The following GGTLC1 variants were observed in gnomAD, a reference collection of about 807,000 sequenced individuals.
The protein encoded by GGTLC1 is gamma-glutamyltransferase light chain 1, also known as glutathione hydrolase light chain 1.
Under a neutral mutation model 19.5 loss-of-function variants are expected in GGTLC1, and 14 were observed. The observed-to-expected ratio is 0.72, with a 90% CI of 0.47 to 1.12. The LOEUF is 1.12. GGTLC1 is among the 50% of genes most tolerant of loss of function. The pLI is 0.00. For synonymous variants in GGTLC1, 110 were observed against 124.2 expected, an observed-to-expected ratio of 0.89 and a Z score of 0.76; for missense variants, 304 against 309.2, an observed-to-expected ratio of 0.98 and a Z score of 0.13.
At chr20:23,987,261 C>A (rs1268547731) in intron 1 of GGTLC1, among the ~76,000 whole-genome samples, 1 of 152,166 alleles carries the variant, frequency 6.6e-6, no homozygotes, top group Admixed American at 6.5e-5. Flanking sequence ...TAACAACTGG[C>A]TTTTGCTCTG....
Position 23,986,510 on chromosome 20 carries a change from G to T in GGTLC1, c.102C>A (p.Asp34Glu), listed in dbSNP as rs146964922. The change falls in exon 2 of 6, where the codon GAC (aspartate) becomes GAA (glutamate). Residue 34 changes from aspartate (D) to glutamate (E), a missense_variant. Asp to Glu is a conservative substitution (Grantham distance 45). Transcript: ENST00000335694. Reference protein sequence around the residue: ...YYKPEFYMPDDGGTAHLSVVA... With the variant: ...YYKPEFYMPDEGGTAHLSVVA... ...CCACAGACAGGTGAGCAGTGCCCCC[G>T]TCATCCGGCATGTAGAACTCGGGCT... 1 of 1,612,020 alleles carries T rather than the reference G, an allele frequency of 6.2e-7. No individual in the cohort carries two copies. Among genetic ancestry groups the T allele is most frequent in the African/African-American group, 1.3e-5 (1 of 74,986 alleles).
Position 23,986,566 on chromosome 20 carries a change from C to T in GGTLC1, c.46G>A (p.Asp16Asn). ...TAGGAGATCGGGTGAGTGGTGTCGT[C>T]AGAGATCTGGGCCCGGAGCTGGGCA... is the stretch of plus-strand genomic sequence containing the variant. ...FSAQLRAQIS[D>N]DTTHPISYYK... is the part of the protein sequence containing the mutation. Residue 16 changes from aspartate to asparagine, a missense_variant, in exon 2 of 6, where the codon GAC becomes AAC. By Grantham distance (23) the Asp-to-Asn change is conservative. Coordinates refer to ENST00000335694, the MANE Select transcript of GGTLC1 (RefSeq NM_178311.3). 1 of 1,611,260 alleles carries T rather than the reference C, an allele frequency of 6.2e-7. No individual in the cohort carries two copies. Among genetic ancestry groups the T allele is most frequent in the Non-Finnish European group, 8.5e-7 (1 of 1,179,722 alleles).
intron 1 of GGTLC1, among the ~76,000 whole-genome samples, chr20:23,987,191 T>G (rs1219726211): frequency 6.6e-6 from 1 of 151,502 alleles, no homozygotes; most frequent in African/African-American, 2.4e-5. Context: ...TGGAGTGGGG[T>G]GGGGAGAAAA....
intron 5 of GGTLC1, 42 bp downstream of exon 5, chr20:23,985,625 G>C (rs770553858): frequency 1.9e-6 from 3 of 1,610,936 alleles, no homozygotes; most frequent in Non-Finnish European, 2.5e-6. Context: ...CGATGCCCTG[G>C]GGCCCCACAC....
At chr20:23,988,528 C>G in intron 1 of GGTLC1, 81 bp downstream of exon 1, 4 of 812,074 alleles carry the variant, frequency 4.9e-6, no homozygotes, top group African/African-American at 1.8e-5. Context: ...CCTTTGTGCC[C>G]GTGTCTCTCC....
At chr20:23,985,387 C>T (rs62195278) in intron 5 of GGTLC1, 25 bp from the exon 6 acceptor site, 2 of 1,611,396 alleles carry the variant, frequency 1.2e-6, no homozygotes, top group Admixed American at 3.3e-5. Flanking sequence ...AGAGGGGAAG[C>T]CTGAGCAGGG....
At chr20:23,986,382 C>T (rs1011073293) in intron 2 of GGTLC1, 54 bp downstream of exon 2, 2 of 1,603,582 alleles carry the variant, frequency 1.2e-6, no homozygotes, top group African/African-American at 1.3e-5. Flanking sequence ...GTGGGCAGTC[C>T]CTGAGCCACC....
At chr20:23,988,137 C>A (rs544285450) in intron 1 of GGTLC1, among the ~76,000 whole-genome samples, 7 of 139,110 alleles carry the variant, frequency 5.0e-5, no homozygotes, top group Admixed American at 1.5e-4. Context: ...CCCTTCCCCA[C>A]CCCCGGGTTC....
intron 1 of GGTLC1, chr20:23,986,861 C>A: frequency 7.0e-7 from 1 of 1,420,094 alleles, no homozygotes; most frequent in African/African-American, 1.4e-5. Context: ...CCTCCAGACC[C>A]TTGCTGCATT....
chr20:23,987,483 A>G (rs940045573), intron 1 of GGTLC1, among the ~76,000 whole-genome samples: 2 of 152,080 alleles, frequency 1.3e-5, no homozygotes, highest in Non-Finnish European at 2.9e-5. Flanking sequence ...AGGTTTGGGG[A>G]TGGTCAGGAG....
chr20:23,985,451 G>T (rs942230730), intron 5 of GGTLC1, 89 bp from the exon 6 acceptor site: 40 of 1,609,202 alleles, frequency 2.5e-5, no homozygotes, highest in Middle Eastern at 4.5e-4. Flanking sequence ...AGCCCAGGTG[G>T]TGCCATTTCA....
At position 23,985,187 on chromosome 20, in the gene GGTLC1, T is replaced by G. The variant is rs754140194; in HGVS notation, c.*29A>C. On this transcript the variant is annotated 3_prime_UTR_variant, in exon 6 of 6. Transcript: ENST00000335694. Reference sequence around the variant, plus strand: ...CCTGGTGAGTATTTTGTTCCTGGATTGCTTGTCAGCCTTGTCCGCCTGGAG... The same window carrying G: ...CCTGGTGAGTATTTTGTTCCTGGATGGCTTGTCAGCCTTGTCCGCCTGGAG... 22 of 1,611,980 alleles carry G rather than the reference T, an allele frequency of 1.4e-5. No individual in the cohort carries two copies. The South Asian group carries it at 2.3e-4, about 17-fold the overall frequency.
Position 23,985,135 on chromosome 20 carries a change from C to A in GGTLC1, c.*81G>T. On this transcript the variant is annotated 3_prime_UTR_variant, in exon 6 of 6. Transcript: ENST00000335694. ...GCTGCTCTGCTGCTCACAGGAGAAG[C>A]CTGTCCCCCAAAGTCCTCTTCCTCG... 1.9e-6 allele frequency: 3 copies of A among 1,594,658 alleles called. No homozygotes were observed. The highest frequency in any genetic ancestry group is 1.1e-5 in the South Asian group (1 of 88,964).
chr20:23,986,508 C>G lies in GGTLC1; in HGVS notation c.104G>C (p.Gly35Ala). 1 of 1,612,004 alleles carries G rather than the reference C, an allele frequency of 6.2e-7. No homozygotes were observed. The highest frequency in any genetic ancestry group is 8.5e-7 in the Non-Finnish European group (1 of 1,179,856). Residue 35 changes from glycine to alanine, a missense_variant, in exon 2 of 6, where the codon GGG becomes GCG. Gly to Ala is a moderately conservative substitution (Grantham distance 60, BLOSUM62 0). Transcript: ENST00000335694. ...GACCACAGACAGGTGAGCAGTGCCC[C>G]CGTCATCCGGCATGTAGAACTCGGG... ...YKPEFYMPDD[G>A]GTAHLSVVAE...
At chr20:23,986,695 C>A in intron 1 of GGTLC1, 50 bp from the exon 2 acceptor site, 1 of 1,557,328 alleles carries the variant, frequency 6.4e-7, no homozygotes, top group South Asian at 1.2e-5. Flanking sequence ...TCTCAGAAGG[C>A]CCCTGACTGT....
At chr20:23,987,845 C>T (rs1201890722) in intron 1 of GGTLC1, among the ~76,000 whole-genome samples, 1 of 149,772 alleles carries the variant, frequency 6.7e-6, no homozygotes, top group African/African-American at 2.5e-5. Context: ...GTCAGGAGAT[C>T]GAGACCATCC....
In GGTLC1 at chr20:23,986,617, G is replaced by A. The variant is rs553725844; in HGVS notation, c.-6C>T. 23 of 1,455,140 alleles carry A rather than the reference G, an allele frequency of 1.6e-5. No individual in the cohort carries two copies. Among genetic ancestry groups the A allele is most frequent in the South Asian group, 1.2e-4 (11 of 89,208 alleles). 90.1% of individuals were successfully genotyped at this position (1,455,140 alleles called of 1,614,324 possible). ...GAGAAGAACTCGGAGGTCATGTCGC[G>A]GACCACCTGCCGAGACCCCAGAGCT... On this transcript the variant is annotated 5_prime_UTR_variant, in exon 2 of 6. Transcript: ENST00000335694.
At chr20:23,986,054 C>T in intron 3 of GGTLC1, 22 bp downstream of exon 3, 1 of 1,613,004 alleles carries the variant, frequency 6.2e-7, no homozygotes, top group Non-Finnish European at 8.5e-7. Flanking sequence ...CAGTCCCCCA[C>T]CCTCGGACCT....
In GGTLC1 at chr20:23,985,229, G is replaced by A; in HGVS notation, c.665C>T (p.Pro222Leu). 2 of 1,612,032 alleles carry A rather than the reference G, an allele frequency of 1.2e-6. No individual in the cohort carries two copies. Among genetic ancestry groups the A allele is most frequent in the Non-Finnish European group, 8.5e-7 (1 of 1,179,866 alleles). ...AASDSRKGGE[P>L]AGY is the part of the protein sequence containing the mutation. Reference sequence around the variant, plus strand: ...CGCCTGGAGCAATCAGTAGCCAGCAGGTTCCCCACCTTTCCTGGAGTCCGA... The same window carrying A: ...CGCCTGGAGCAATCAGTAGCCAGCAAGTTCCCCACCTTTCCTGGAGTCCGA... The change falls in exon 6 of 6, where the codon CCT becomes CTT. Residue 222 changes from proline to leucine, a missense_variant. Physicochemically the swap from Pro to Leu is moderately conservative, Grantham distance 98. Transcript: ENST00000335694.
Sources: allele counts gnomAD v4.1 joint callset (sites outside exome capture counted in the v4.1 genomes callset), GRCh38; gene constraint gnomAD v4.1.1; transcripts MANE v1.5; gene names NCBI Gene and HGNC (gene_info 2026-07-23, HGNC 2026-07-21).